The following MRPS6 variants were observed in gnomAD, a reference collection of about 807,000 sequenced individuals.
MRPS6 encodes small ribosomal subunit protein bS6m.
A neutral mutation model predicts 13.1 loss-of-function variants in MRPS6; 6 were observed. The observed-to-expected ratio is 0.46, with a 90% confidence interval of 0.25 to 0.91. The LOEUF (loss-of-function observed/expected upper bound fraction) is 0.91. Among genes scored for constraint, MRPS6 ranks in the 40% least tolerant of loss-of-function variants. The pLI is 0.18. For missense variants in MRPS6, 164 were observed against 155.6 expected (o/e 1.05, Z -0.29); for synonymous variants, 61 against 56.5 (o/e 1.08, Z -0.36).
Position 34,089,800 on chromosome 21 carries a change from G to A in MRPS6, c.45+16055G>A, listed in dbSNP as rs73899958. Among the ~76,000 whole-genome samples the A allele has an allele frequency of 4.3e-3, 656 of 152,148 alleles. 6 individuals are homozygous for A. Among genetic ancestry groups the A allele is most frequent in the African/African-American group, 0.015 (610 of 41,496 alleles). On this transcript the variant is annotated intron_variant, in intron 1 of 2. Transcript: ENST00000399312. ...TTCAGCACCATTTGAGTCCAATCAGGGTTTTGTATAATTAATAACTTTTAA... is the reference window on the plus strand; with the variant it reads ...TTCAGCACCATTTGAGTCCAATCAGAGTTTTGTATAATTAATAACTTTTAA...
intron 2 of MRPS6, among the ~76,000 whole-genome samples, chr21:34,130,656 C>T (rs182004400): frequency 1.6e-4 from 25 of 152,252 alleles, no homozygotes; most frequent in African/African-American, 5.8e-4. Flanking sequence ...TGGAAGATCA[C>T]GTGGGCAAGT....
intron 2 of MRPS6, among the ~76,000 whole-genome samples, chr21:34,141,794 G>C (rs1980915786): frequency 6.6e-6 from 1 of 152,222 alleles, no homozygotes; most frequent in South Asian, 2.1e-4. Flanking sequence ...AGTGAGCCGT[G>C]CGGGATGCCC....
chr21:34,097,332 A>G lies in MRPS6; in HGVS notation c.45+23587A>G. ...TGCTGTGTGTTCACTTGGAATTTTC[A>G]TGTTTGTTTATTTCTCCTTATGAAC... On this transcript the variant is annotated intron_variant, in intron 1 of 2. Coordinates refer to ENST00000399312, the MANE Select transcript of MRPS6 (RefSeq NM_032476.4). 3 of 1,605,758 alleles carry G rather than the reference A, an allele frequency of 1.9e-6. No homozygotes were observed. Among genetic ancestry groups the G allele is most frequent in the Non-Finnish European group, 2.6e-6 (3 of 1,176,220 alleles).
Position 34,105,132 on chromosome 21 carries a change from T to C in MRPS6, c.46-20209T>C, listed in dbSNP as rs1448836943. ...ATACTCCATTAGTGTCAGATGATGG[T>C]ATGGAATTTGTTCCCTTGCTTTCCC... On this transcript the variant is annotated intron_variant, in intron 1 of 2. Coordinates refer to ENST00000399312, the MANE Select transcript of MRPS6 (RefSeq NM_032476.4). 5.0e-6 allele frequency: 5 copies of C among 1,000,234 alleles called. No homozygotes were observed. The East Asian group carries it at 4.5e-4, about 91-fold the overall frequency. 62.0% of individuals were successfully genotyped at this position (1,000,234 alleles called of 1,614,324 possible).
chr21:34,135,412 T>C (rs988209574), intron 2 of MRPS6: 1 of 407,764 alleles, frequency 2.5e-6, no homozygotes, highest in African/African-American at 2.2e-5. Context: ...GACTGGTTTA[T>C]TGGGCATCAG....
chr21:34,102,263 C>G, intron 1 of MRPS6: 6 of 999,834 alleles, frequency 6.0e-6, no homozygotes, highest in Non-Finnish European at 7.2e-6. Flanking sequence ...CCATTATTCA[C>G]TTAGTAGTCA....
chr21:34,130,765 G>C (rs1333200769), intron 2 of MRPS6, among the ~76,000 whole-genome samples: 2 of 151,624 alleles, frequency 1.3e-5, no homozygotes, highest in South Asian at 4.1e-4. Context: ...GTTACTTCTT[G>C]CCTGGCATCA....
At chr21:34,118,826 T>G (rs769144676) in intron 1 of MRPS6, among the ~76,000 whole-genome samples, 16 of 152,128 alleles carry the variant, frequency 1.1e-4, no homozygotes, top group Admixed American at 1.0e-3. Flanking sequence ...ACTCCATGTT[T>G]CTTAAAAATG....
intron 1 of MRPS6, chr21:34,101,096 A>G: frequency 1.0e-6 from 1 of 1,000,170 alleles, no homozygotes; most frequent in Non-Finnish European, 1.2e-6. Context: ...ACGTGACTAC[A>G]GAGACTTGCC....
chr21:34,081,078 A>C lies in MRPS6; in HGVS notation c.45+7333A>C, dbSNP rs146139293. Among the ~76,000 whole-genome samples, 259 of 152,348 alleles carry C rather than the reference A, an allele frequency of 1.7e-3. 2 individuals are homozygous for C. The highest frequency in any genetic ancestry group is 6.0e-3 in the African/African-American group (250 of 41,586). On this transcript the variant is annotated intron_variant, in intron 1 of 2. Coordinates refer to ENST00000399312, the MANE Select transcript of MRPS6 (RefSeq NM_032476.4). The stretch of plus-strand genomic sequence containing the variant: ...AGACTTGATAAAAGGTGAGTCATTA[A>C]AATAATGACTGTAGAATTAGATATG...
chr21:34,116,175 ATT>A (rs1491123125), intron 1 of MRPS6, among the ~76,000 whole-genome samples: 197 of 71,942 alleles, frequency 2.7e-3, no homozygotes, highest in Middle Eastern at 8.9e-3. Context: ...TGCCCAGCTA[ATT>A]TTGTGTGTGT....
intron 2 of MRPS6, among the ~76,000 whole-genome samples, chr21:34,128,223 C>A (rs752940189): frequency 1.3e-5 from 2 of 152,156 alleles, no homozygotes; most frequent in Non-Finnish European, 2.9e-5. Context: ...AACCTAGGCA[C>A]CGGCTGAGGG....
chr21:34,114,866 C>T (rs545787084), intron 1 of MRPS6, among the ~76,000 whole-genome samples: 4 of 152,166 alleles, frequency 2.6e-5, no homozygotes, highest in Admixed American at 2.0e-4. Flanking sequence ...GTTGGATCTC[C>T]TATAATTATG....
chr21:34,098,904 A>T (rs1177422116), intron 1 of MRPS6: 8 of 996,646 alleles, frequency 8.0e-6, no homozygotes, highest in Non-Finnish European at 9.7e-6. Flanking sequence ...TTAATCTCTG[A>T]TACTTTTTAG....
At chr21:34,076,512 T>A (rs1391935901) in intron 1 of MRPS6, among the ~76,000 whole-genome samples, 3 of 152,212 alleles carry the variant, frequency 2.0e-5, no homozygotes, top group Admixed American at 6.5e-5. Flanking sequence ...AGTTTGCAAG[T>A]AGAAGTTGAT....
At chr21:34,105,344 T>A in intron 1 of MRPS6, 1 of 999,772 alleles carries the variant, frequency 1.0e-6, no homozygotes, top group Non-Finnish European at 1.2e-6. Flanking sequence ...CAAAAATAGT[T>A]GCTGTGCAAA....
intron 1 of MRPS6, among the ~76,000 whole-genome samples, chr21:34,115,457 T>C (rs112430592): frequency 0.012 from 1,754 of 152,340 alleles, 38 homozygotes; most frequent in South Asian, 0.081. Context: ...CCAGTACTTC[T>C]GGATTCCAGT....
chr21:34,099,763 G>A, intron 1 of MRPS6: 1 of 942,796 alleles, frequency 1.1e-6, no homozygotes, highest in Non-Finnish European at 1.3e-6. Context: ...ACTAAAGTCT[G>A]TAAATAAGGA....
chr21:34,076,626 T>C (rs1989338256), intron 1 of MRPS6, among the ~76,000 whole-genome samples: 1 of 152,230 alleles, frequency 6.6e-6, no homozygotes, highest in South Asian at 2.1e-4. Context: ...AGCTTGATTT[T>C]TAAAAAAGTG....
Sources: allele counts gnomAD v4.1 joint callset (sites outside exome capture counted in the v4.1 genomes callset), GRCh38; gene constraint gnomAD v4.1.1; transcripts MANE v1.5; gene names NCBI Gene and HGNC (gene_info 2026-07-23, HGNC 2026-07-21).